ZBTB20: variants seen among roughly 807,000 people sequenced by gnomAD.
The protein encoded by ZBTB20 is zinc finger and BTB domain-containing protein 20.
Under a neutral mutation model 56.9 loss-of-function variants are expected in ZBTB20, and 9 were observed. The observed-to-expected ratio is 0.16, with a 90% CI of 0.10 to 0.28. The LOEUF (loss-of-function observed/expected upper bound fraction) is 0.28. ZBTB20 is among the 10% of genes least tolerant of loss of function. ZBTB20 has a pLI of 1.00. For synonymous variants in ZBTB20, 417 were observed against 420.7 expected (o/e 0.99, Z 0.11); for missense variants, 655 against 1,003.0 (o/e 0.65, Z 4.69).
chr3:114,657,761 G>A (rs2060493856), intron 6 of ZBTB20, among the ~76,000 whole-genome samples: 1 of 151,828 alleles, frequency 6.6e-6, no homozygotes, highest in Non-Finnish European at 1.5e-5. Context: ...GATTCCAACT[G>A]CTTTTGGTCA....
At chr3:114,619,676 C>G in intron 6 of ZBTB20, among the ~76,000 whole-genome samples, 1 of 152,156 alleles carries the variant, frequency 6.6e-6, no homozygotes, top group Admixed American at 6.5e-5. Context: ...TGTGCTGCAG[C>G]TTAATGAATG....
chr3:114,456,885 A>G (rs1405781581), intron 7 of ZBTB20, among the ~76,000 whole-genome samples: 2 of 152,236 alleles, frequency 1.3e-5, no homozygotes, highest in African/African-American at 4.8e-5. Context: ...ACTTAGGGAG[A>G]AAGAAGAAAA....
At chr3:114,984,260 T>C (rs575681740) in intron 2 of ZBTB20, among the ~76,000 whole-genome samples, 2 of 152,040 alleles carry the variant, frequency 1.3e-5, no homozygotes, top group Admixed American at 6.6e-5. Context: ...TATACATATA[T>C]ATATTTTTAT....
intron 6 of ZBTB20, among the ~76,000 whole-genome samples, chr3:114,598,353 T>C (rs1417593895): frequency 6.6e-6 from 1 of 151,792 alleles, no homozygotes. Context: ...TATTCAGTGA[T>C]TGGTTAACAC....
intron 4 of ZBTB20, among the ~76,000 whole-genome samples, chr3:114,833,203 T>C (rs1165779129): frequency 1.3e-5 from 2 of 152,168 alleles, no homozygotes; most frequent in South Asian, 4.1e-4. Context: ...TGAAAAGTTA[T>C]TACAGTACAA....
chr3:114,821,232 G>A (rs1320015765), intron 4 of ZBTB20, among the ~76,000 whole-genome samples: 2 of 152,138 alleles, frequency 1.3e-5, no homozygotes, highest in Non-Finnish European at 1.5e-5. Context: ...GTCACCATCT[G>A]CTACTCAACT....
rs970730745 is a variant in ZBTB20 at position 114,329,326 on chromosome 3, C to T, written c.*9679G>A. 3 of 152,188 alleles carry T rather than the reference C, an allele frequency of 2.0e-5. No individual in the cohort carries two copies. Among genetic ancestry groups the T allele is most frequent in the Non-Finnish European group, 4.4e-5 (3 of 68,004 alleles). The allele number at this position is 152,188 out of a possible 1,614,324, so 9.4% of individuals were successfully genotyped here. On this transcript the variant is annotated 3_prime_UTR_variant, in exon 12 of 12. Coordinates refer to ENST00000675478, the MANE Select transcript of ZBTB20 (RefSeq NM_001348800.3). ...TTTAAAAACCTGACTTCATTTTGTC[C>T]TGAATGTAGAAGTGAAGAAGGACAC...
intron 8 of ZBTB20, chr3:114,387,623 A>G (rs1056753314): frequency 6.6e-6 from 1 of 152,194 alleles, no homozygotes; most frequent in Non-Finnish European, 1.5e-5. Flanking sequence ...GGATATAGAA[A>G]CTTTTAAACC....
chr3:114,540,025 T>C (rs140452671), intron 6 of ZBTB20, among the ~76,000 whole-genome samples: 58 of 152,054 alleles, frequency 3.8e-4, no homozygotes, highest in South Asian at 8.3e-4. Context: ...CTAAGCTTAG[T>C]ACCTATTAGT....
chr3:114,338,986 A>G lies in ZBTB20; in HGVS notation c.*19T>C. 1.3e-6 allele frequency: 2 copies of G among 1,486,332 alleles called. No homozygotes were observed. Among genetic ancestry groups the G allele is most frequent in the Non-Finnish European group, 1.8e-6 (2 of 1,115,188 alleles). The allele number at this position is 1,486,332 out of a possible 1,614,324, so 92.1% of individuals were successfully genotyped here. On this transcript the variant is annotated 3_prime_UTR_variant, in exon 12 of 12. Coordinates refer to ENST00000675478, the MANE Select transcript of ZBTB20 (RefSeq NM_001348800.3). ...GTTGTTGTTTTGTTTTGTTCATAAG[A>G]AAGAGAGAAAGATACTACTTATCCG...
intron 5 of ZBTB20, among the ~76,000 whole-genome samples, chr3:114,758,327 TAGC>T (rs2068168529): frequency 1.3e-5 from 2 of 152,114 alleles, no homozygotes; most frequent in Admixed American, 1.3e-4. Flanking sequence ...CCACAAAACT[TAGC>T]AGTCTGATTA....
chr3:114,455,744 A>T (rs2091975501), intron 7 of ZBTB20, among the ~76,000 whole-genome samples: 1 of 152,120 alleles, frequency 6.6e-6, no homozygotes, highest in Non-Finnish European at 1.5e-5. Context: ...ATGCAATATT[A>T]GGTACAAAAC....
rs564479385 is a variant in ZBTB20 at position 115,123,577 on chromosome 3, C to T, written c.-703+23642G>A. 2.0e-5 allele frequency among the ~76,000 whole-genome samples: 3 copies of T among 152,222 alleles called. No individual in the cohort carries two copies. The South Asian group carries it at 6.2e-4, about 32-fold the overall frequency. On this transcript the variant is annotated intron_variant, in intron 1 of 11. Coordinates refer to ENST00000675478, the MANE Select transcript of ZBTB20 (RefSeq NM_001348800.3). ...TATACCACTTTATAAGCTCTGGACA[C>T]CTGAGAAGAGAAAATGGCAATGACT... is the stretch of plus-strand genomic sequence containing the variant.
In ZBTB20 at chr3:114,874,322, T is replaced by C. The variant is rs868430336; in HGVS notation, c.-417+25982A>G. On this transcript the variant is annotated intron_variant, in intron 4 of 11. Transcript: ENST00000675478. ...ATTCAAACAAGTAGATATCACAGCA[T>C]TTCATTGATAGCTTATCAAACCACA... Among the ~76,000 whole-genome samples the C allele has an allele frequency of 3.3e-5, 5 of 152,198 alleles. No homozygotes were observed. The South Asian group carries it at 6.2e-4, about 19-fold the overall frequency.
intron 6 of ZBTB20, among the ~76,000 whole-genome samples, chr3:114,630,057 T>C (rs1189953778): frequency 6.6e-6 from 1 of 152,118 alleles, no homozygotes; most frequent in African/African-American, 2.4e-5. Flanking sequence ...AGAGGATCGC[T>C]TGATTCCAGG....
chr3:115,082,831 C>A (rs2082846202), intron 1 of ZBTB20, among the ~76,000 whole-genome samples: 1 of 151,978 alleles, frequency 6.6e-6, no homozygotes, highest in East Asian at 1.9e-4. Flanking sequence ...TGTGTACATG[C>A]ACACACATGC....
chr3:114,882,813 G>A (rs1049562601), intron 4 of ZBTB20, among the ~76,000 whole-genome samples: 8 of 151,952 alleles, frequency 5.3e-5, no homozygotes, highest in East Asian at 3.8e-4. Context: ...GCTATCAGTC[G>A]GTAAAGACAT....
At position 114,584,921 on chromosome 3, in the gene ZBTB20, A is replaced by G. The variant is rs770009090; in HGVS notation, c.-294-84530T>C. On this transcript the variant is annotated intron_variant, in intron 6 of 11. Coordinates refer to ENST00000675478, the MANE Select transcript of ZBTB20 (RefSeq NM_001348800.3). ...TACAAGGCAGCTGACACCTTGGTGAATAAGAGCAGCTCAGTTTTATGAAAA... is the reference window on the plus strand; with the variant it reads ...TACAAGGCAGCTGACACCTTGGTGAGTAAGAGCAGCTCAGTTTTATGAAAA... 3.9e-5 allele frequency among the ~76,000 whole-genome samples: 6 copies of G among 152,210 alleles called. 1 individual carries two copies. Among genetic ancestry groups the G allele is most frequent in the South Asian group, 4.1e-4 (2 of 4,836 alleles).
intron 1 of ZBTB20, among the ~76,000 whole-genome samples, chr3:115,076,855 T>G (rs1348590142): frequency 6.6e-6 from 1 of 152,148 alleles, no homozygotes; most frequent in Non-Finnish European, 1.5e-5. Context: ...GGAGGATGGT[T>G]TTGGGATGAA....
Sources: gnomAD v4.1 joint callset for allele counts (sites outside exome capture counted in the v4.1 genomes callset) on GRCh38, gnomAD v4.1.1 for gene constraint, MANE v1.5 for transcripts, NCBI Gene and HGNC (gene_info 2026-07-23, HGNC 2026-07-21) for gene names.